Variants in MS4A12 observed in about 807,000 individuals in gnomAD.
MS4A12 encodes membrane-spanning 4-domains subfamily A member 12.
A neutral mutation model predicts 23.7 loss-of-function variants in MS4A12; 28 were observed. That is an observed-to-expected ratio of 1.18 (90% confidence interval 0.88 to 1.62). The LOEUF (loss-of-function observed/expected upper bound fraction) is 1.62. Ranked by LOEUF, MS4A12 falls within the 40% of genes most tolerant of loss-of-function variation. The pLI, the probability that MS4A12 is intolerant of heterozygous loss-of-function variation, is 0.00. For missense variants in MS4A12, 342 were observed against 327.0 expected, an observed-to-expected ratio of 1.05 and a Z score of -0.35; for synonymous variants, 108 against 110.1, an observed-to-expected ratio of 0.98 and a Z score of 0.12.
intron 1 of MS4A12, among the ~76,000 whole-genome samples, chr11:60,493,473 GC>G (rs2086464777): frequency 6.6e-6 from 1 of 152,016 alleles, no homozygotes; most frequent in South Asian, 2.1e-4. Context: ...ACGAGGCCAT[GC>G]CCCACTGGGC....
intron 5 of MS4A12, among the ~76,000 whole-genome samples, chr11:60,504,247 G>A (rs1030804262): frequency 1.4e-4 from 21 of 152,180 alleles, no homozygotes; most frequent in African/African-American, 5.1e-4. Context: ...AGAAACCCAA[G>A]GAATGAAGCA....
At chr11:60,501,546 A>T (rs530497188) in intron 3 of MS4A12, among the ~76,000 whole-genome samples, 1 of 152,200 alleles carries the variant, frequency 6.6e-6, no homozygotes. Flanking sequence ...GATTGGAAAC[A>T]TGATTAAAAA....
intron 2 of MS4A12, chr11:60,498,117 A>G (rs1160493301): frequency 6.5e-6 from 1 of 152,726 alleles, no homozygotes; most frequent in Non-Finnish European, 1.5e-5. Context: ...TACAAAGGAG[A>G]CTCTGAACTG....
intron 1 of MS4A12, among the ~76,000 whole-genome samples, chr11:60,493,491 T>C (rs2086464911): frequency 6.6e-6 from 1 of 152,028 alleles, no homozygotes; most frequent in Non-Finnish European, 1.5e-5. Flanking sequence ...GGGCACTTGA[T>C]GATTATGTGG....
In MS4A12 at chr11:60,497,592, G is replaced by T. The variant is rs751500031; in HGVS notation, c.274G>T (p.Gly92Trp). The T allele has an allele frequency of 2.5e-6, 4 of 1,613,844 alleles. No individual in the cohort carries two copies. The highest frequency in any genetic ancestry group is 1.1e-5 in the South Asian group (1 of 91,022). The change falls in exon 2 of 7, where the codon GGG becomes TGG. Residue 92 changes from glycine to tryptophan, a missense_variant and splice_region_variant. By Grantham distance (184) the Gly-to-Trp change is radical (BLOSUM62 -2). Transcript: ENST00000016913. ...CTTTAAAGAAGAAGCAAAGGCACTA[G>T]GGGTAAGTCTATTTACTACCAGAAT... ...MNFKEEAKAL[G>W]VIQIMVGLMH...
intron 4 of MS4A12, among the ~76,000 whole-genome samples, chr11:60,503,111 A>G (rs780893622): frequency 2.6e-5 from 4 of 152,128 alleles, no homozygotes; most frequent in Non-Finnish European, 5.9e-5. Flanking sequence ...TTAAAATCCT[A>G]TTGTAGAAAC....
At chr11:60,502,837 G>A (rs1158416675) in intron 4 of MS4A12, among the ~76,000 whole-genome samples, 1 of 152,140 alleles carries the variant, frequency 6.6e-6, no homozygotes, top group African/African-American at 2.4e-5. Flanking sequence ...AACCACTCCT[G>A]TTGCAGTCCA....
Position 60,502,043 on chromosome 11 carries a change from A to G in MS4A12, c.471+4A>G. ...CAAGGAGCTTTCCCGTTGTCTGGTA[A>G]GTTAGACTGTCTCTACTTTTTGAAC... On this transcript the variant is annotated splice_donor_region_variant and intron_variant, in intron 4 of 6. Coordinates refer to ENST00000016913, the MANE Select transcript of MS4A12 (RefSeq NM_017716.3). 1 of 1,607,386 alleles carries G rather than the reference A, an allele frequency of 6.2e-7. No homozygotes were observed.
chr11:60,494,455 T>A (rs970621966), intron 1 of MS4A12, among the ~76,000 whole-genome samples: 2 of 152,242 alleles, frequency 1.3e-5, no homozygotes, highest in African/African-American at 2.4e-5. Context: ...TGTATGCTTT[T>A]TAAAAGCTCA....
At chr11:60,493,018 A>T (rs1455463866) in intron 1 of MS4A12, 190 bp downstream of exon 1, 1 of 152,196 alleles carries the variant, frequency 6.6e-6, no homozygotes, top group Non-Finnish European at 1.5e-5. Flanking sequence ...AACAAAACAG[A>T]AGAGGAATGA....
At chr11:60,499,144 T>A (rs1363843704) in intron 2 of MS4A12, among the ~76,000 whole-genome samples, 1 of 28,130 alleles carries the variant, frequency 3.6e-5, no homozygotes, top group Non-Finnish European at 6.9e-5. Context: ...TCTCTGAAGA[T>A]TTGTTATTTC....
intron 4 of MS4A12, among the ~76,000 whole-genome samples, chr11:60,502,469 C>T (rs1437779799): frequency 6.6e-6 from 1 of 152,144 alleles, no homozygotes; most frequent in Non-Finnish European, 1.5e-5. Flanking sequence ...TGTGCTATTT[C>T]CTACTCTTAC....
At chr11:60,501,277 A>C in intron 3 of MS4A12, 95 bp downstream of exon 3, 3 of 1,309,198 alleles carry the variant, frequency 2.3e-6, no homozygotes, top group Non-Finnish European at 3.1e-6. Context: ...TTCACAACTC[A>C]TTTCTTGATA....
At chr11:60,495,037 G>A (rs1017214080) in intron 1 of MS4A12, among the ~76,000 whole-genome samples, 1 of 150,614 alleles carries the variant, frequency 6.6e-6, no homozygotes, top group African/African-American at 2.4e-5. Context: ...CTGTCACCCA[G>A]GTTGGAGTGC....
At chr11:60,502,143 C>T (rs765204327) in intron 4 of MS4A12, 104 bp downstream of exon 4, 5 of 1,175,318 alleles carry the variant, frequency 4.3e-6, no homozygotes, top group Non-Finnish European at 6.2e-6. Flanking sequence ...AAGGGAGCAC[C>T]TTTCCCAAAA....
intron 6 of MS4A12, 73 bp from the exon 7 acceptor site, chr11:60,506,947 A>T: frequency 6.6e-7 from 1 of 1,525,384 alleles, no homozygotes; most frequent in Non-Finnish European, 9.1e-7. Context: ...TTTGTCCTTC[A>T]CTCTGATGGT....
chr11:60,504,999 C>T (rs1434467323), intron 5 of MS4A12, among the ~76,000 whole-genome samples: 2 of 152,118 alleles, frequency 1.3e-5, no homozygotes, highest in East Asian at 1.9e-4. Context: ...TGAATGATCA[C>T]TTTTGTGCTT....
intron 2 of MS4A12, chr11:60,498,137 T>C (rs1261313290): frequency 2.6e-5 from 4 of 152,454 alleles, no homozygotes; most frequent in South Asian, 2.1e-4. Flanking sequence ...GACTGCCTTG[T>C]TTCTGTAGGC....
At chr11:60,500,004 C>T (rs1186650941) in intron 2 of MS4A12, among the ~76,000 whole-genome samples, 1 of 152,024 alleles carries the variant, frequency 6.6e-6, no homozygotes, top group Non-Finnish European at 1.5e-5. Context: ...CTTTGGGAGG[C>T]CAAGGCGGGC....
Sources: allele counts gnomAD v4.1 joint callset (sites outside exome capture counted in the v4.1 genomes callset), GRCh38; gene constraint gnomAD v4.1.1; transcripts MANE v1.5; gene names NCBI Gene and HGNC (gene_info 2026-07-23, HGNC 2026-07-21).